SYNJ1: variants seen among roughly 807,000 people sequenced by gnomAD.
SYNJ1 encodes polyphosphatidylinositol phosphatase SYNJ1.
Under a neutral mutation model 168.2 loss-of-function variants are expected in SYNJ1, and 78 were observed. That is an observed-to-expected ratio of 0.46 (90% confidence interval 0.39 to 0.56). The LOEUF (loss-of-function observed/expected upper bound fraction) is 0.56, where lower values mean the gene tolerates loss of function less well. SYNJ1 is among the 20% of genes least tolerant of loss of function. The pLI is 0.00. For synonymous variants in SYNJ1, 539 were observed against 548.6 expected, an observed-to-expected ratio of 0.98 and a Z score of 0.24; for missense variants, 1,303 against 1,597.6, an observed-to-expected ratio of 0.82 and a Z score of 3.14.
intron 30 of SYNJ1, 22 bp downstream of exon 30, chr21:32,639,649 C>T: frequency 6.2e-7 from 1 of 1,602,966 alleles, no homozygotes; most frequent in African/African-American, 1.3e-5. Flanking sequence ...CCTCCTGCCT[C>T]AGCCTCCCAA....
At chr21:32,702,470 G>C (rs2042440627) in intron 2 of SYNJ1, among the ~76,000 whole-genome samples, 1 of 152,070 alleles carries the variant, frequency 6.6e-6, no homozygotes, top group Non-Finnish European at 1.5e-5. Flanking sequence ...ACGTTACCTT[G>C]TTAATGAATA....
chr21:32,688,378 AAAAATATATTTAATC>A lies in SYNJ1; in HGVS notation c.790-26_790-12del, dbSNP rs1483411221. 1 of 1,611,070 alleles carries A rather than the reference AAAAATATATTTAATC, an allele frequency of 6.2e-7. No homozygotes were observed. On this transcript the variant is annotated splice_polypyrimidine_tract_variant and intron_variant, in intron 6 of 32. Coordinates refer to ENST00000674351, the MANE Select transcript of SYNJ1 (RefSeq NM_203446.3). ...ACGATGAGATCCCACCTTAGACAAG[AAAAATATATTTAATC>A]AAACCAAAAACCAACATATAGACGA... is the stretch of plus-strand genomic sequence containing the variant.
chr21:32,645,073 A>T, intron 25 of SYNJ1, 67 bp from the exon 26 acceptor site: 1 of 1,462,666 alleles, frequency 6.8e-7, no homozygotes, highest in Non-Finnish European at 9.4e-7. Context: ...GAAATGTCAA[A>T]GATTGCTATA....
At chr21:32,695,633 ATATTTATT>A (rs759113240) in intron 4 of SYNJ1, among the ~76,000 whole-genome samples, 1,574 of 148,030 alleles carry the variant, frequency 0.011, 12 homozygotes, top group African/African-American at 0.016. Flanking sequence ...TTTTAAAAAA[ATATTTATT>A]TATTTATTTA....
intron 8 of SYNJ1, 96 bp from the exon 9 acceptor site, chr21:32,686,013 C>G (rs2041826756): frequency 1.5e-6 from 2 of 1,322,172 alleles, no homozygotes; most frequent in Non-Finnish European, 1.0e-6. Context: ...GGCAATAAAT[C>G]TTTTCCCTAA....
chr21:32,631,356 G>T lies in SYNJ1; in HGVS notation c.*449C>A, dbSNP rs758233799. 6.2e-7 allele frequency: 1 copy of T among 1,614,154 alleles called. No homozygotes were observed. The highest frequency in any genetic ancestry group is 1.1e-5 in the South Asian group (1 of 91,084). ...CTTAAAGCCATCAAGTGAAGATGAA[G>T]CCCTGCTTTTGTTATGACCAAGAGG... On this transcript the variant is annotated 3_prime_UTR_variant, in exon 33 of 33. Transcript: ENST00000674351.
intron 2 of SYNJ1, among the ~76,000 whole-genome samples, chr21:32,712,549 GA>G (rs147530419): frequency 4.0e-4 from 58 of 144,384 alleles, no homozygotes; most frequent in South Asian, 6.6e-4. Flanking sequence ...GACATTTAAG[GA>G]AAAAAAAAAA....
At chr21:32,684,740 G>C (rs1227213332) in intron 9 of SYNJ1, among the ~76,000 whole-genome samples, 1 of 152,138 alleles carries the variant, frequency 6.6e-6, no homozygotes, top group Non-Finnish European at 1.5e-5. Context: ...TTTTAAAAGA[G>C]AAGCAAAACA....
At chr21:32,666,367 T>A (rs1036584685) in intron 16 of SYNJ1, 66 bp downstream of exon 16, 2 of 1,555,230 alleles carry the variant, frequency 1.3e-6, no homozygotes, top group Non-Finnish European at 1.7e-6. Context: ...ACAATAAACA[T>A]TCTAGGCTTT....
At chr21:32,632,348 C>T (rs1195690181) in intron 32 of SYNJ1, among the ~76,000 whole-genome samples, 1 of 150,788 alleles carries the variant, frequency 6.6e-6, no homozygotes, top group African/African-American at 2.4e-5. Flanking sequence ...CTGTCTTCTA[C>T]TTGGAAAAAT....
intron 13 of SYNJ1, 104 bp from the exon 14 acceptor site, chr21:32,673,635 T>C (rs2041289330): frequency 9.9e-7 from 1 of 1,005,208 alleles, no homozygotes; most frequent in African/African-American, 1.7e-5. Context: ...ACAATTATTA[T>C]CACAAGCACA....
intron 12 of SYNJ1, among the ~76,000 whole-genome samples, 170 bp from the exon 13 acceptor site, chr21:32,676,525 GATTGATA>G (rs2041415890): frequency 6.6e-6 from 1 of 152,160 alleles, no homozygotes. Context: ...AAACGACAAT[GATTGATA>G]CAAACCTTCT....
At chr21:32,655,690 T>C (rs1037082066) in intron 21 of SYNJ1, among the ~76,000 whole-genome samples, 8 of 152,138 alleles carry the variant, frequency 5.3e-5, no homozygotes, top group African/African-American at 1.7e-4. Context: ...CCACCAAATA[T>C]CTATCAAACA....
At chr21:32,690,296 C>T (rs895712130) in intron 6 of SYNJ1, among the ~76,000 whole-genome samples, 1 of 152,240 alleles carries the variant, frequency 6.6e-6, no homozygotes, top group Admixed American at 6.5e-5. Context: ...CAGCCTCGAC[C>T]TCCTGGGCTC....
At chr21:32,699,593 C>T (rs1353767395) in intron 4 of SYNJ1, among the ~76,000 whole-genome samples, 1 of 152,156 alleles carries the variant, frequency 6.6e-6, no homozygotes, top group Non-Finnish European at 1.5e-5. Flanking sequence ...TATACCACCC[C>T]CTCGTGCCTG....
chr21:32,651,128 A>G (rs1297260678), intron 22 of SYNJ1, among the ~76,000 whole-genome samples: 1 of 152,238 alleles, frequency 6.6e-6, no homozygotes, highest in Non-Finnish European at 1.5e-5. Flanking sequence ...TGTGCACTAG[A>G]AAGGAGTTCT....
chr21:32,634,884 G>A lies in SYNJ1; in HGVS notation c.3916C>T (p.Gln1306Ter). 6.2e-7 allele frequency: 1 copy of A among 1,613,754 alleles called. No individual in the cohort carries two copies. The highest frequency in any genetic ancestry group is 1.1e-5 in the South Asian group (1 of 91,074). ...LPSEASSQPQ[Q>*]EQPSG ...ACCTGTTACCCTGATGGTTGCTCCT[G>A]CTTTGAGAAAGGAAACAGACATCAA... The change falls in exon 32 of 33, where the codon CAG (glutamine) becomes TAG (stop). Residue 1306 changes from glutamine (Q) to a stop codon, truncating the protein, a stop_gained and splice_region_variant. Coordinates refer to ENST00000674351, the MANE Select transcript of SYNJ1 (RefSeq NM_203446.3). LOFTEE classifies it high-confidence loss of function.
intron 2 of SYNJ1, among the ~76,000 whole-genome samples, chr21:32,709,932 C>T (rs2146294360): frequency 6.6e-6 from 1 of 152,184 alleles, no homozygotes; most frequent in East Asian, 1.9e-4. Flanking sequence ...GGTGTGGTGG[C>T]TCATGCCTGT....
chr21:32,632,584 C>T (rs2039382575), intron 32 of SYNJ1, among the ~76,000 whole-genome samples: 1 of 152,126 alleles, frequency 6.6e-6, no homozygotes, highest in South Asian at 2.1e-4. Context: ...TGGGGTTTCA[C>T]TATGTTGCCC....
Sources: gnomAD v4.1 joint callset for allele counts (sites outside exome capture counted in the v4.1 genomes callset) on GRCh38, gnomAD v4.1.1 for gene constraint, MANE v1.5 for transcripts, NCBI Gene and HGNC (gene_info 2026-07-23, HGNC 2026-07-21) for gene names.